Variants in RNF212 observed in about 807,000 individuals in gnomAD.
RNF212 encodes the protein probable E3 SUMO-protein ligase RNF212.
A neutral mutation model predicts 34.7 loss-of-function variants in RNF212; 33 were observed. That is an observed-to-expected ratio of 0.95 (90% CI 0.72 to 1.27). RNF212 has a LOEUF of 1.27. RNF212 is among the 50% of genes most tolerant of loss of function. RNF212 has a pLI of 0.00. For synonymous variants in RNF212, 140 were observed against 136.1 expected (o/e 1.03, Z -0.20); for missense variants, 377 against 362.2 (o/e 1.04, Z -0.33).
intron 7 of RNF212, among the ~76,000 whole-genome samples, chr4:1,080,518 CT>C (rs1720155708): frequency 6.6e-6 from 1 of 152,178 alleles, no homozygotes; most frequent in African/African-American, 2.4e-5. Flanking sequence ...CCGCTGACCC[CT>C]CACCCTTCAT....
intron 2 of RNF212, among the ~76,000 whole-genome samples, chr4:1,102,871 G>GA (rs769865800): frequency 1.7e-4 from 24 of 141,234 alleles, no homozygotes; most frequent in Admixed American, 5.8e-4. Context: ...GCCGGGCACG[G>GA]TGGCTCACAC....
chr4:1,059,465 G>A (rs542571440), intron 3 of RNF212, among the ~76,000 whole-genome samples: 1 of 152,362 alleles, frequency 6.6e-6, no homozygotes, highest in Admixed American at 6.5e-5. Flanking sequence ...CCTAGAGGCA[G>A]GAGGCCACGG....
At chr4:1,066,174 C>T (rs1718084332) in intron 3 of RNF212, among the ~76,000 whole-genome samples, 1 of 151,144 alleles carries the variant, frequency 6.6e-6, no homozygotes, top group African/African-American at 2.4e-5. Flanking sequence ...CCTCCCACCT[C>T]AGCCTCCTGA....
chr4:1,098,345 G>C (rs1723386685), intron 2 of RNF212, among the ~76,000 whole-genome samples: 1 of 152,252 alleles, frequency 6.6e-6, no homozygotes, highest in Non-Finnish European at 1.5e-5. Flanking sequence ...CTAGAAGACA[G>C]AGTATAGACT....
chr4:1,099,098 G>C (rs1723518447), intron 2 of RNF212, among the ~76,000 whole-genome samples: 1 of 152,116 alleles, frequency 6.6e-6, no homozygotes, highest in Admixed American at 6.5e-5. Context: ...CAGATGCACA[G>C]ACCTCAGTGA....
downstream of RNF212, among the ~76,000 whole-genome samples, chr4:1,067,841 C>T (rs1220581145): frequency 6.8e-6 from 1 of 147,576 alleles, no homozygotes; most frequent in Non-Finnish European, 1.5e-5. Context: ...GCACTCCAGC[C>T]TGGGCGACAC....
chr4:1,113,682 G>T, upstream of RNF212: 1 of 469,938 alleles, frequency 2.1e-6, no homozygotes, highest in Admixed American at 4.5e-5. Context: ...CTCCCAGGTC[G>T]TTTGGGCTGG....
rs752386784 is a variant in RNF212 at position 1,079,655 on chromosome 4, A to T, written c.498T>A (p.Ser166=). The change falls in exon 8 of 10, where the codon TCT becomes TCA. Residue 166 remains serine (S), a synonymous_variant. Transcript: ENST00000433731. ...GAGATGCACTTACTTTTCTAATCGG[A>T]GAAGGAGAGAGATCAACTTCCATCG... The part of the protein sequence containing the change: ...LESMEVDLSP[S]PIRKSEIAAG... The T allele has an allele frequency of 6.2e-7, 1 of 1,609,876 alleles. No homozygotes were observed. The highest frequency in any genetic ancestry group is 8.5e-7 in the Non-Finnish European group (1 of 1,176,162).
chr4:1,079,758 A>G (rs1720028244), intron 7 of RNF212, 70 bp from the exon 8 acceptor site: 6 of 1,003,030 alleles, frequency 6.0e-6, no homozygotes, highest in Non-Finnish European at 9.6e-6. Flanking sequence ...GTTGAAATAC[A>G]CACATGACGA....
intron 1 of RNF212, among the ~76,000 whole-genome samples, chr4:1,112,538 G>C (rs976579591): frequency 7.2e-5 from 11 of 151,948 alleles, no homozygotes; most frequent in African/African-American, 2.4e-4. Context: ...CTTGACACCA[G>C]GGCCCCGCGC....
intron 8 of RNF212, among the ~76,000 whole-genome samples, chr4:1,077,155 G>C (rs1393264083): frequency 6.6e-6 from 1 of 152,200 alleles, no homozygotes; most frequent in Non-Finnish European, 1.5e-5. Context: ...TTGAACCCGG[G>C]AGGCGGAGGT....
chr4:1,073,569 C>T (rs202129395), intron 9 of RNF212, 30 bp downstream of exon 9: 132 of 1,460,440 alleles, frequency 9.0e-5, no homozygotes, highest in East Asian at 2.9e-4. Flanking sequence ...ATGCATGTAT[C>T]GGTCTGAGGT....
chr4:1,080,627 C>A (rs753462018), intron 7 of RNF212, among the ~76,000 whole-genome samples: 1 of 152,190 alleles, frequency 6.6e-6, no homozygotes, highest in Non-Finnish European at 1.5e-5. Flanking sequence ...AAACTCCTCA[C>A]GGGAAACCTG....
In RNF212 at chr4:1,081,438, G is replaced by A. The variant is rs1370530098; in HGVS notation, c.445C>T (p.His149Tyr). The A allele has an allele frequency of 6.2e-7, 1 of 1,613,902 alleles. No homozygotes were observed. Among genetic ancestry groups the A allele is most frequent in the African/African-American group, 1.3e-5 (1 of 75,030 alleles). ...TKPHGCLLPP[H>Y]SSAPDRLESM... ...ACACACCTGTCGGGGGCTGATGAGTGAGGTGGCAGCAGGCATCCGTGTGGT... is the reference window on the plus strand; with the variant it reads ...ACACACCTGTCGGGGGCTGATGAGTAAGGTGGCAGCAGGCATCCGTGTGGT... Residue 149 changes from histidine (H) to tyrosine (Y), a missense_variant, in exon 7 of 10, where the codon CAC (histidine) becomes TAC (tyrosine). His to Tyr is a moderately conservative substitution (Grantham distance 83). Transcript: ENST00000433731.
chr4:1,078,161 A>T (rs1379500634), intron 8 of RNF212, among the ~76,000 whole-genome samples: 1 of 152,186 alleles, frequency 6.6e-6, no homozygotes, highest in Non-Finnish European at 1.5e-5. Flanking sequence ...AATGAGCCAC[A>T]CTGTGTCGCA....
At chr4:1,097,756 T>G (rs1394930712) in intron 2 of RNF212, among the ~76,000 whole-genome samples, 1 of 152,136 alleles carries the variant, frequency 6.6e-6, no homozygotes, top group Non-Finnish European at 1.5e-5. Context: ...GGCATGGAGC[T>G]GCCGTGAGCT....
rs534959965 is a variant in RNF212, at chr4:1,093,075, G to A, written c.247-2237C>T. On this transcript the variant is annotated intron_variant, in intron 3 of 9. Transcript: ENST00000433731. ...ACGGATCTTAGAGGATTACTGGGAA[G>A]AGGAAGATGTTTAATTGTTACCAAC... 1.4e-4 allele frequency among the ~76,000 whole-genome samples: 18 copies of A among 124,282 alleles called. No homozygotes were observed. In the South Asian group the frequency reaches 4.5e-3, roughly 31 times the overall value. The allele number at this position is 124,282 out of a possible 152,430, so 81.5% of individuals were successfully genotyped here. A position where few individuals can be genotyped will look rare whatever the true frequency, so the allele number is the denominator to read the frequency against.
downstream of RNF212, among the ~76,000 whole-genome samples, chr4:1,067,376 A>G (rs1718158540): frequency 6.6e-6 from 1 of 152,226 alleles, no homozygotes; most frequent in Non-Finnish European, 1.5e-5. Context: ...TATATAAAAT[A>G]TCAATGGACT....
intron 1 of RNF212, among the ~76,000 whole-genome samples, chr4:1,109,763 G>A (rs536648472): frequency 1.2e-4 from 18 of 152,044 alleles, no homozygotes; most frequent in African/African-American, 4.1e-4. Context: ...CCCACTTCAC[G>A]CTACCTCCTT....
Sources: gnomAD v4.1 joint callset for allele counts (sites outside exome capture counted in the v4.1 genomes callset) on GRCh38, gnomAD v4.1.1 for gene constraint, MANE v1.5 for transcripts, NCBI Gene and HGNC (gene_info 2026-07-23, HGNC 2026-07-21) for gene names.